Variants in NEDD4L observed in about 807,000 individuals in gnomAD.
The protein encoded by NEDD4L is E3 ubiquitin-protein ligase NEDD4-like.
In NEDD4L, 54 loss-of-function variants were observed where a neutral mutation model predicts 148.9. That is an observed-to-expected ratio of 0.36 (90% CI 0.29 to 0.45). The LOEUF is 0.45. Among genes scored for constraint, NEDD4L ranks in the 20% least tolerant of loss-of-function variants. The probability of loss-of-function intolerance (pLI) is 1.00; values close to 1 mark genes in which losing one functional copy is unlikely to be tolerated. For synonymous variants in NEDD4L, 433 were observed against 440.7 expected (o/e 0.98, Z 0.22); for missense variants, 856 against 1,233.8 (o/e 0.69, Z 4.59).
intron 25 of NEDD4L, among the ~76,000 whole-genome samples, chr18:58,383,548 G>A (rs2146709288): frequency 6.6e-6 from 1 of 152,266 alleles, no homozygotes; most frequent in East Asian, 1.9e-4. Context: ...AGCAGAGGAG[G>A]GAGAAAAGGT....
intron 1 of NEDD4L, among the ~76,000 whole-genome samples, chr18:58,108,545 C>T (rs1382527607): frequency 1.3e-5 from 2 of 152,100 alleles, no homozygotes; most frequent in East Asian, 1.9e-4. Flanking sequence ...CTCAGCCTCC[C>T]GAGTAGCTGG....
intron 1 of NEDD4L, among the ~76,000 whole-genome samples, chr18:58,072,302 AG>A (rs2082909688): frequency 6.6e-6 from 1 of 152,224 alleles, no homozygotes; most frequent in South Asian, 2.1e-4. Flanking sequence ...ATAAATACAG[AG>A]GCCAAAATCC....
chr18:58,108,267 A>C (rs983322041), intron 1 of NEDD4L, among the ~76,000 whole-genome samples: 1 of 152,238 alleles, frequency 6.6e-6, no homozygotes, highest in Non-Finnish European at 1.5e-5. Context: ...TACAGTTCTT[A>C]TCAGGGGAGA....
intron 24 of NEDD4L, among the ~76,000 whole-genome samples, chr18:58,378,963 G>C (rs558442050): frequency 2.0e-5 from 3 of 152,234 alleles, no homozygotes; most frequent in Non-Finnish European, 4.4e-5. Flanking sequence ...GCTGGGGCCA[G>C]TAGACTTAAA....
At chr18:58,078,825 G>A (rs1477809886) in intron 1 of NEDD4L, among the ~76,000 whole-genome samples, 1 of 152,118 alleles carries the variant, frequency 6.6e-6, no homozygotes, top group Non-Finnish European at 1.5e-5. Flanking sequence ...TTTCCTGCTT[G>A]GTTGATTTCA....
chr18:58,189,387 GA>G (rs1233956078), intron 2 of NEDD4L, among the ~76,000 whole-genome samples: 4 of 152,090 alleles, frequency 2.6e-5, no homozygotes, highest in African/African-American at 9.7e-5. Flanking sequence ...CCTGGAGGAA[GA>G]AAATAACTTA....
intron 2 of NEDD4L, among the ~76,000 whole-genome samples, chr18:58,191,696 A>T (rs923245453): frequency 6.6e-6 from 1 of 152,212 alleles, no homozygotes; most frequent in Non-Finnish European, 1.5e-5. Context: ...CAAAGTTCTA[A>T]ATTGCATGCA....
At chr18:58,048,249 TG>T (rs1023530543) in intron 1 of NEDD4L, among the ~76,000 whole-genome samples, 2 of 152,170 alleles carry the variant, frequency 1.3e-5, no homozygotes, top group Admixed American at 6.5e-5. Context: ...CCTGCTGGCT[TG>T]GGGGTCTTTC....
intron 1 of NEDD4L, among the ~76,000 whole-genome samples, chr18:58,084,068 T>G (rs996440775): frequency 6.6e-6 from 1 of 152,112 alleles, no homozygotes; most frequent in African/African-American, 2.4e-5. Flanking sequence ...GCTTATAGAT[T>G]TAAGAGGCAG....
intron 5 of NEDD4L, among the ~76,000 whole-genome samples, chr18:58,314,154 C>T (rs1601096375): frequency 6.6e-6 from 1 of 152,128 alleles, no homozygotes; most frequent in South Asian, 2.1e-4. Flanking sequence ...TGGTGACTCA[C>T]ACCTGTAATC....
At chr18:58,191,719 A>G (rs1325004929) in intron 2 of NEDD4L, among the ~76,000 whole-genome samples, 2 of 152,222 alleles carry the variant, frequency 1.3e-5, no homozygotes, top group African/African-American at 2.4e-5. Flanking sequence ...GATAACAGGC[A>G]TATAATTGGT....
chr18:58,136,957 A>T (rs544839839), intron 1 of NEDD4L, among the ~76,000 whole-genome samples: 3 of 152,346 alleles, frequency 2.0e-5, no homozygotes, highest in South Asian at 2.1e-4. Flanking sequence ...TACATTTTTT[A>T]AAAAAGCATT....
At chr18:58,384,291 T>C (rs1425426749) in intron 25 of NEDD4L, among the ~76,000 whole-genome samples, 1 of 151,940 alleles carries the variant, frequency 6.6e-6, no homozygotes, top group African/African-American at 2.4e-5. Flanking sequence ...TGGCAAGGAG[T>C]GGAACTATTA....
Position 58,256,479 on chromosome 18 carries a change from T to TG in NEDD4L, c.297+4427dup. 8.1e-7 allele frequency: 1 copy of TG among 1,232,218 alleles called. No individual in the cohort carries two copies. Among genetic ancestry groups the TG allele is most frequent in the Non-Finnish European group, 1.0e-6 (1 of 988,034 alleles). The allele number at this position is 1,232,218 out of a possible 1,614,324, so 76.3% of individuals were successfully genotyped here. A position where few individuals can be genotyped will look rare whatever the true frequency, so the allele number is the denominator to read the frequency against. ...TTGGTGAGGTATCCTCGCATTCGGC[T>TG]GGAGAGGAGCACCTCGTACCCCACG... On this transcript the variant is annotated intron_variant, in intron 5 of 30. Transcript: ENST00000400345. This position sits in a 1 kb window ranked among gnomAD's most constrained non-coding sequence, Gnocchi z 5.2.
At chr18:58,332,609 C>T (rs1382053546) in intron 11 of NEDD4L, among the ~76,000 whole-genome samples, 7 of 152,182 alleles carry the variant, frequency 4.6e-5, no homozygotes, top group African/African-American at 1.7e-4. Context: ...GATTGCGCCA[C>T]TGCACTCCAG....
At chr18:58,279,548 A>C (rs2052680642) in intron 5 of NEDD4L, among the ~76,000 whole-genome samples, 1 of 152,230 alleles carries the variant, frequency 6.6e-6, no homozygotes, top group Non-Finnish European at 1.5e-5. Flanking sequence ...GAGGAAAAGA[A>C]GTGCCACTGG....
At chr18:58,343,342 C>A (rs953718613) in intron 16 of NEDD4L, among the ~76,000 whole-genome samples, 6 of 152,096 alleles carry the variant, frequency 3.9e-5, no homozygotes, top group Admixed American at 6.5e-5. Flanking sequence ...CTGGGAAGCT[C>A]TAGTTTAGAC....
At chr18:58,287,228 A>G (rs1351379487) in intron 5 of NEDD4L, among the ~76,000 whole-genome samples, 1 of 152,154 alleles carries the variant, frequency 6.6e-6, no homozygotes, top group Non-Finnish European at 1.5e-5. Flanking sequence ...TCAACCCAGC[A>G]CGAAATTCCA....
chr18:58,354,177 T>G (rs1296331328), intron 18 of NEDD4L, among the ~76,000 whole-genome samples: 1 of 152,172 alleles, frequency 6.6e-6, no homozygotes, highest in Admixed American at 6.5e-5. Flanking sequence ...AATCTCTACA[T>G]CTTGTAGGAA....
Sources: allele counts gnomAD v4.1 joint callset (sites outside exome capture counted in the v4.1 genomes callset), GRCh38; gene constraint gnomAD v4.1.1; non-coding constraint Gnocchi (gnomAD v3.1); transcripts MANE v1.5; gene names NCBI Gene and HGNC (gene_info 2026-07-23, HGNC 2026-07-21).